The following STAB2 variants were observed in gnomAD, a reference collection of about 807,000 sequenced individuals.
STAB2 encodes the protein stabilin 2.
A neutral mutation model predicts 338.1 loss-of-function variants in STAB2; 288 were observed. The ratio of observed to expected loss-of-function variants is 0.85; its 90% confidence interval spans 0.77 to 0.94. The LOEUF is 0.94. STAB2 is among the 40% of genes least tolerant of loss of function. The probability of loss-of-function intolerance (pLI) is 0.00; values close to 1 mark genes in which losing one functional copy is unlikely to be tolerated. For synonymous variants in STAB2, 1,202 were observed against 1,193.3 expected (o/e 1.01, Z -0.15); for missense variants, 3,141 against 3,210.1 (o/e 0.98, Z 0.52).
At chr12:103,724,944 C>T (rs1881062952) in intron 44 of STAB2, 31 bp from the exon 45 acceptor site, 3 of 1,609,834 alleles carry the variant, frequency 1.9e-6, no homozygotes, top group South Asian at 2.2e-5. Context: ...TGGTCTAATC[C>T]CCATCCCTTG....
intron 5 of STAB2, among the ~76,000 whole-genome samples, chr12:103,625,992 C>T (rs1957375407): frequency 6.6e-6 from 1 of 152,128 alleles, no homozygotes; most frequent in Non-Finnish European, 1.5e-5. Flanking sequence ...AAAAGTGTTC[C>T]TATTTCTCCA....
chr12:103,700,829 T>C (rs186625589), intron 34 of STAB2, among the ~76,000 whole-genome samples: 353 of 152,346 alleles, frequency 2.3e-3, no homozygotes, highest in African/African-American at 8.3e-3. Flanking sequence ...AATGGAAGTA[T>C]AGAGAAATGC....
At chr12:103,749,613 A>G (rs1326330997) in intron 59 of STAB2, among the ~76,000 whole-genome samples, 1 of 151,358 alleles carries the variant, frequency 6.6e-6, no homozygotes, top group Non-Finnish European at 1.5e-5. Context: ...ATGGATCACG[A>G]GGTCAGGAGA....
In STAB2 at chr12:103,655,534, T is replaced by C; in HGVS notation, c.1687T>C (p.Leu563=). 2 of 1,613,956 alleles carry C rather than the reference T, an allele frequency of 1.2e-6. No homozygotes were observed. The highest frequency in any genetic ancestry group is 1.7e-6 in the Non-Finnish European group (2 of 1,179,990). ...YTIFVPNNEA[L]NNMKDGTLDY... ...CATTTTTGTTCCAAATAATGAAGCA[T>C]TGAATAACATGAAGGACGGCACTCT... Residue 563 remains leucine (L), a synonymous_variant, in exon 15 of 69, where the codon TTG becomes CTG. Coordinates refer to ENST00000388887, the MANE Select transcript of STAB2 (RefSeq NM_017564.10).
chr12:103,726,195 G>C (rs752091755), intron 46 of STAB2, 32 bp downstream of exon 46: 1 of 1,612,850 alleles, frequency 6.2e-7, no homozygotes, highest in Non-Finnish European at 8.5e-7. Flanking sequence ...CTAGCCATAA[G>C]AGTTCAGCCT....
chr12:103,651,955 T>C (rs1299540443), intron 11 of STAB2, among the ~76,000 whole-genome samples: 1 of 152,226 alleles, frequency 6.6e-6, no homozygotes, highest in African/African-American at 2.4e-5. Flanking sequence ...CCACTCCTGT[T>C]GGAAAGAACC....
chr12:103,606,077 T>G lies in STAB2; in HGVS notation c.331+11567T>G, dbSNP rs1033595849. On this transcript the variant is annotated intron_variant, in intron 3 of 68. Transcript: ENST00000388887. Reference sequence around the variant, plus strand: ...CCCTCTTTGTTTGCCTTCTTTTGTATTAATTAATTCTTTTTTAGGATCCTC... The same window carrying G: ...CCCTCTTTGTTTGCCTTCTTTTGTAGTAATTAATTCTTTTTTAGGATCCTC... 6.6e-5 allele frequency among the ~76,000 whole-genome samples: 10 copies of G among 152,262 alleles called. 1 individual carries two copies. Among genetic ancestry groups the G allele is most frequent in the Admixed American group, 3.3e-4 (5 of 15,290 alleles).
At position 103,711,525 on chromosome 12, in the gene STAB2, CCCTGGGCCA is replaced by C; in HGVS notation, c.4334+13_4334+21del. Reference sequence around the variant, plus strand: ...TGCCATACCAGCGCCAAGTAGGTAGCCCTGGGCCACCTCTGGGGACAGTGTAAAGGGGAT... The same window carrying C: ...TGCCATACCAGCGCCAAGTAGGTAGCCCTCTGGGGACAGTGTAAAGGGGAT... On this transcript the variant is annotated intron_variant, in intron 40 of 68. Coordinates refer to ENST00000388887, the MANE Select transcript of STAB2 (RefSeq NM_017564.10). 6.2e-7 allele frequency: 1 copy of C among 1,614,034 alleles called. No individual in the cohort carries two copies. The highest frequency in any genetic ancestry group is 1.3e-5 in the African/African-American group (1 of 75,028).
At chr12:103,631,557 T>C (rs769152043) in intron 5 of STAB2, 41 bp from the exon 6 acceptor site, 1 of 1,572,486 alleles carries the variant, frequency 6.4e-7, no homozygotes, top group African/African-American at 1.4e-5. Context: ...TTAGCAACAG[T>C]CTATGTCAGG....
At chr12:103,739,973 T>C (rs1249522027) in intron 54 of STAB2, among the ~76,000 whole-genome samples, 1 of 152,130 alleles carries the variant, frequency 6.6e-6, no homozygotes, top group Non-Finnish European at 1.5e-5. Context: ...TGGAGAGTAA[T>C]GTTTAAGTCA....
chr12:103,707,069 G>T, intron 38 of STAB2, 82 bp downstream of exon 38: 2 of 1,488,200 alleles, frequency 1.3e-6, no homozygotes, highest in Non-Finnish European at 1.8e-6. Flanking sequence ...TCCCACACGT[G>T]CTCTCTAGCT....
At position 103,668,711 on chromosome 12, in the gene STAB2, C is replaced by T. The variant is rs1051364241; in HGVS notation, c.2154C>T (p.Tyr718=). ...FGSLKSGCAR[Y]CNATVKIPKC... is the part of the protein sequence containing the mutation. The stretch of plus-strand genomic sequence containing the variant: ...GCCTGAAGAGCGGCTGTGCCCGGTA[C>T]TGCAATGCCACTGTGAAGGTGAGGA... The change falls in exon 20 of 69, where the codon TAC becomes TAT. Residue 718 remains tyrosine (Y), a synonymous_variant. Transcript: ENST00000388887. 3 of 1,548,184 alleles carry T rather than the reference C, an allele frequency of 1.9e-6. No individual in the cohort carries two copies. The highest frequency in any genetic ancestry group is 2.7e-5 in the African/African-American group (2 of 73,010).
At position 103,675,001 on chromosome 12, in the gene STAB2, G is replaced by A. The variant is rs528590588; in HGVS notation, c.2552+914G>A. 1.7e-4 allele frequency among the ~76,000 whole-genome samples: 26 copies of A among 152,216 alleles called. 1 individual carries two copies. The South Asian group carries it at 2.9e-3, about 17-fold the overall frequency. On this transcript the variant is annotated intron_variant, in intron 23 of 68. Transcript: ENST00000388887. ...ATGAAATCATCCACAGAGGACTGTC[G>A]GCATGGGTCTGTATGAACTATATTG...
chr12:103,681,931 C>T (rs982817946), intron 25 of STAB2, among the ~76,000 whole-genome samples: 3 of 152,048 alleles, frequency 2.0e-5, no homozygotes, highest in African/African-American at 7.2e-5. Context: ...ATTCAAGGCC[C>T]ACCCTACTCC....
chr12:103,756,429 A>G (rs1286059992), intron 63 of STAB2, among the ~76,000 whole-genome samples: 1 of 152,124 alleles, frequency 6.6e-6, no homozygotes, highest in Non-Finnish European at 1.5e-5. Flanking sequence ...CTTGACCACC[A>G]TTGTCTCCCC....
intron 3 of STAB2, among the ~76,000 whole-genome samples, chr12:103,601,382 A>T (rs965588943): frequency 6.6e-6 from 1 of 152,252 alleles, no homozygotes; most frequent in Non-Finnish European, 1.5e-5. Context: ...TCTTGAGGTC[A>T]GGAGTTTGAG....
At chr12:103,744,126 AT>A (rs767254809) in intron 56 of STAB2, among the ~76,000 whole-genome samples, 5 of 144,128 alleles carry the variant, frequency 3.5e-5, no homozygotes, top group East Asian at 4.1e-4. Context: ...AGGTGGTGGA[AT>A]TGGTACATAT....
Position 103,763,631 on chromosome 12 carries a change from G to A in STAB2, c.7605+23G>A, listed in dbSNP as rs1884703578. ...ACGGTGAGTTTGCATTCTTATCTAG[G>A]AATAGGTTCCCTTGGGGTACAGGGG... is the stretch of plus-strand genomic sequence containing the variant. On this transcript the variant is annotated intron_variant, in intron 68 of 68. Transcript: ENST00000388887. 6.9e-6 allele frequency: 11 copies of A among 1,599,286 alleles called. No individual in the cohort carries two copies. The South Asian group carries it at 8.9e-5, about 13-fold the overall frequency.
chr12:103,739,527 CTGTGTGTG>C (rs35471201), intron 54 of STAB2, 59 bp downstream of exon 54: 42,511 of 672,906 alleles, frequency 0.063, 1,157 homozygotes, highest in Admixed American at 0.17. Flanking sequence ...ATTATCAGAC[CTGTGTGTG>C]TGTGTGTGTG....
Sources: gnomAD v4.1 joint callset for allele counts (sites outside exome capture counted in the v4.1 genomes callset) on GRCh38, gnomAD v4.1.1 for gene constraint, MANE v1.5 for transcripts, NCBI Gene and HGNC (gene_info 2026-07-23, HGNC 2026-07-21) for gene names.